Variants in ZC3H12B observed in about 807,000 individuals in gnomAD.
ZC3H12B encodes the protein probable ribonuclease ZC3H12B.
A neutral mutation model predicts 43.9 loss-of-function variants in ZC3H12B; 7 were observed. That is an observed-to-expected ratio of 0.16 (90% confidence interval 0.09 to 0.30). The LOEUF (loss-of-function observed/expected upper bound fraction) is 0.30. Ranked by LOEUF, ZC3H12B falls within the 10% of genes least tolerant of loss-of-function variation. The pLI, the probability that ZC3H12B is intolerant of heterozygous loss-of-function variation, is 1.00. For synonymous variants in ZC3H12B, 222 were observed against 241.7 expected (o/e 0.92, Z 0.76); for missense variants, 475 against 670.2 (o/e 0.71, Z 3.22).
rs1211818807 is a variant in ZC3H12B, at chrX:65,488,843, G to C, written c.42G>C (p.Lys14Asn). Residue 14 changes from lysine to asparagine, a missense_variant, in exon 1 of 5, where the codon AAG becomes AAC. Transcript: ENST00000338957. ...AGGTAGAGACACCAAAAATGGAGAA[G>C]AGTGCCTCCAAGGAAGAGAAGCAGC... 10 of 1,206,329 alleles carry C rather than the reference G, an allele frequency of 8.3e-6. No homozygotes were observed. In the South Asian group the frequency reaches 1.8e-4, roughly 22 times the overall value.
At chrX:65,141,919 G>T in the ZC3H12B span, among the ~76,000 whole-genome samples, 1 of 111,695 alleles carries the variant, frequency 9.0e-6, no homozygotes, top group Non-Finnish European at 1.9e-5. Flanking sequence ...TGATTGATGG[G>T]GATTTGGGTT....
At chrX:65,438,909 T>C (rs1264286232) in intron 3 of ZC3H12B, among the ~76,000 whole-genome samples, 1 of 113,025 alleles carries the variant, frequency 8.8e-6, no homozygotes, top group Non-Finnish European at 1.9e-5. Context: ...GGGGCCAGTT[T>C]ATGGCCAGAC....
chrX:65,468,129 T>C (rs778759113), intron 3 of ZC3H12B, among the ~76,000 whole-genome samples: 69 of 112,065 alleles, frequency 6.2e-4, no homozygotes, highest in Non-Finnish European at 1.2e-3. Context: ...TTGATTTTTG[T>C]AGATGGTGAG....
At position 65,462,743 on chromosome X, in the gene ZC3H12B, T is replaced by G. The variant is rs774206493; in HGVS notation, n.408-25903T>G. On this transcript the variant is annotated intron_variant and non_coding_transcript_variant, in intron 3 of 5. Transcript: ENST00000617377. ...AAGAACTTAAAATGGAACTACCATT[T>G]GACCCAGTAATCCCATTACTGGGTA... 2.4e-3 allele frequency among the ~76,000 whole-genome samples: 271 copies of G among 111,502 alleles called. 1 individual carries two copies. Among genetic ancestry groups the G allele is most frequent in the African/African-American group, 8.6e-3 (264 of 30,655 alleles).
At chrX:65,414,868 T>A (rs1407822931) in intron 3 of ZC3H12B, among the ~76,000 whole-genome samples, 1 of 112,341 alleles carries the variant, frequency 8.9e-6, no homozygotes, top group East Asian at 2.8e-4. Context: ...GCATACATAA[T>A]GATTTGTTGA....
chrX:65,476,913 C>A (rs1294530269), intron 3 of ZC3H12B, among the ~76,000 whole-genome samples: 3 of 108,733 alleles, frequency 2.8e-5, no homozygotes, highest in Non-Finnish European at 5.7e-5. Context: ...CCTCTGCCTC[C>A]CAGGTTCAAG....
chrX:65,165,775 T>G, the ZC3H12B span, among the ~76,000 whole-genome samples: 1 of 112,357 alleles, frequency 8.9e-6, no homozygotes, highest in African/African-American at 3.2e-5. Flanking sequence ...TGTGTCTTTA[T>G]AGTAGAATGA....
chrX:65,148,194 G>A, the ZC3H12B span, among the ~76,000 whole-genome samples: 1 of 111,122 alleles, frequency 9.0e-6, no homozygotes, highest in Non-Finnish European at 1.9e-5. Context: ...CCAATCTGAT[G>A]CTAAGGTGGG....
chrX:65,348,863 C>T, the ZC3H12B span, among the ~76,000 whole-genome samples: 1 of 111,430 alleles, frequency 9.0e-6, no homozygotes, highest in Non-Finnish European at 1.9e-5. Flanking sequence ...CATCAAGATT[C>T]ATAGAGCTAG....
At chrX:65,159,069 G>T in the ZC3H12B span, among the ~76,000 whole-genome samples, 1 of 111,836 alleles carries the variant, frequency 8.9e-6, no homozygotes, top group South Asian at 3.7e-4. Flanking sequence ...GTTTGTCAAA[G>T]CTCAAATGGT....
At chrX:65,228,973 G>T in the ZC3H12B span, among the ~76,000 whole-genome samples, 4 of 111,659 alleles carry the variant, frequency 3.6e-5, no homozygotes, top group Non-Finnish European at 5.6e-5. Context: ...GTAATTTGTA[G>T]ATTCCATGCC....
the ZC3H12B span, among the ~76,000 whole-genome samples, chrX:65,101,859 G>A: frequency 8.9e-6 from 1 of 112,338 alleles, no homozygotes; most frequent in Non-Finnish European, 1.9e-5. Flanking sequence ...TAGAAAAAGA[G>A]GGACTTCTCC....
the ZC3H12B span, among the ~76,000 whole-genome samples, chrX:65,226,467 C>T: frequency 2.7e-4 from 30 of 111,489 alleles, no homozygotes; most frequent in African/African-American, 4.2e-4. Context: ...CGTCAACCTG[C>T]GTCAACTAAT....
At chrX:65,193,832 G>A in the ZC3H12B span, among the ~76,000 whole-genome samples, 5 of 111,550 alleles carry the variant, frequency 4.5e-5, no homozygotes, top group Admixed American at 9.6e-5. Flanking sequence ...TCACATTGCT[G>A]TAGATAAATA....
the ZC3H12B span, among the ~76,000 whole-genome samples, chrX:65,218,530 G>A: frequency 9.0e-6 from 1 of 111,163 alleles, no homozygotes; most frequent in East Asian, 2.8e-4. Flanking sequence ...AGCTGGGTGA[G>A]GCCTGTGGCT....
chrX:65,069,161 T>A, the ZC3H12B span, among the ~76,000 whole-genome samples: 1 of 109,378 alleles, frequency 9.1e-6, no homozygotes, highest in Non-Finnish European at 1.9e-5. Context: ...GATAACAATA[T>A]CTTTTTTTTA....
At chrX:65,149,828 AGTATT>A in the ZC3H12B span, among the ~76,000 whole-genome samples, 3 of 106,799 alleles carry the variant, frequency 2.8e-5, no homozygotes, top group Non-Finnish European at 5.7e-5. Context: ...ATAAAAGTAA[AGTATT>A]ATGGGCATCT....
chrX:65,414,311 T>A (rs2066936304), intron 3 of ZC3H12B, among the ~76,000 whole-genome samples: 1 of 110,900 alleles, frequency 9.0e-6, no homozygotes, highest in Non-Finnish European at 1.9e-5. Context: ...TATTAATTCT[T>A]CTTTAGATGT....
At chrX:65,388,373 T>C (rs1404959170) in intron 2 of ZC3H12B, among the ~76,000 whole-genome samples, 1 of 111,922 alleles carries the variant, frequency 8.9e-6, no homozygotes, top group African/African-American at 3.2e-5. Flanking sequence ...CTTCTCTTCT[T>C]GCTTCATTTC....
Sources: allele counts gnomAD v4.1 joint callset (sites outside exome capture counted in the v4.1 genomes callset), GRCh38; gene constraint gnomAD v4.1.1; transcripts MANE v1.5; gene names NCBI Gene and HGNC (gene_info 2026-07-23, HGNC 2026-07-21).